The following GPR107 variants were observed in gnomAD, a reference collection of about 807,000 sequenced individuals.
GPR107 encodes protein GPR107.
GPR107 carries 31 observed loss-of-function variants against 75.5 expected under a neutral mutation model. The ratio of observed to expected loss-of-function variants is 0.41; its 90% CI spans 0.31 to 0.55. GPR107 has a LOEUF of 0.55. GPR107 is among the 20% of genes least tolerant of loss of function. The probability of loss-of-function intolerance (pLI) is 0.26; values close to 1 mark genes in which losing one functional copy is unlikely to be tolerated. For missense variants in GPR107, 572 were observed against 665.7 expected, an observed-to-expected ratio of 0.86 and a Z score of 1.55; for synonymous variants, 267 against 251.3, an observed-to-expected ratio of 1.06 and a Z score of -0.59.
intron 1 of GPR107, among the ~76,000 whole-genome samples, chr9:130,069,641 G>A (rs532094622): frequency 1.4e-4 from 22 of 152,160 alleles, no homozygotes; most frequent in Non-Finnish European, 2.9e-4. Context: ...AACAGGTTAG[G>A]TGAAGGTCCT....
At chr9:130,059,148 C>T (rs954818581) in intron 1 of GPR107, among the ~76,000 whole-genome samples, 2 of 152,192 alleles carry the variant, frequency 1.3e-5, no homozygotes, top group Non-Finnish European at 1.5e-5. Flanking sequence ...TATGAGAGTT[C>T]TCTTTCTTCA....
intron 8 of GPR107, among the ~76,000 whole-genome samples, chr9:130,091,485 TA>T (rs559590508): frequency 5.4e-4 from 76 of 141,812 alleles, no homozygotes; most frequent in Non-Finnish European, 4.9e-4. Flanking sequence ...TGTCTCAAAT[TA>T]AAAAAAAAAA....
At chr9:130,105,474 C>T (rs1244453869) in intron 13 of GPR107, among the ~76,000 whole-genome samples, 3 of 152,130 alleles carry the variant, frequency 2.0e-5, no homozygotes, top group Admixed American at 6.5e-5. Context: ...CCAGGCTGGT[C>T]TCAAACTCCT....
At chr9:130,090,039 C>T (rs1199680213) in intron 7 of GPR107, among the ~76,000 whole-genome samples, 1 of 152,170 alleles carries the variant, frequency 6.6e-6, no homozygotes, top group East Asian at 1.9e-4. Flanking sequence ...CGCAGTCCTT[C>T]CCAACTCTAG....
chr9:130,100,804 G>A, intron 11 of GPR107, 102 bp downstream of exon 11: 1 of 839,254 alleles, frequency 1.2e-6, no homozygotes, highest in Admixed American at 1.9e-5. Context: ...CCCTCCTGTG[G>A]CAGCCTGTCT....
chr9:130,103,663 T>A lies in GPR107; in HGVS notation c.1132-757T>A, dbSNP rs534267164. ...ACAGTTCCATTGTCTGGCACTTAGA[T>A]GAGTTATTGTCACTGAGCACCATGG... On this transcript the variant is annotated intron_variant, in intron 12 of 17. Transcript: ENST00000347136. The surrounding 1 kb of genome is among the most constrained non-coding windows in gnomAD (Gnocchi z 4.3). Among the ~76,000 whole-genome samples the A allele has an allele frequency of 6.6e-6, 1 of 152,304 alleles. No homozygotes were observed. The highest frequency in any genetic ancestry group is 2.4e-5 in the African/African-American group (1 of 41,560).
intron 9 of GPR107, among the ~76,000 whole-genome samples, chr9:130,098,938 G>A (rs910484996): frequency 6.6e-6 from 1 of 152,094 alleles, no homozygotes; most frequent in East Asian, 1.9e-4. Context: ...ACTTGATCCC[G>A]GGAGGTGGAG....
chr9:130,130,552 A>T (rs1476103), intron 17 of GPR107, among the ~76,000 whole-genome samples: 149,945 of 152,342 alleles, frequency 0.98, 73,805 homozygotes, highest in East Asian at 1. Flanking sequence ...ACACTTCCAG[A>T]CCAGAAAACA....
At chr9:130,062,315 C>T (rs150845143) in intron 1 of GPR107, among the ~76,000 whole-genome samples, 4,784 of 151,202 alleles carry the variant, frequency 0.032, 160 homozygotes, top group African/African-American at 0.078. Flanking sequence ...CGGGAGGCTG[C>T]GGCAAGAGAA....
Position 130,059,987 on chromosome 9 carries a change from G to A in GPR107, c.141+5914G>A, listed in dbSNP as rs143809325. 4.9e-3 allele frequency among the ~76,000 whole-genome samples: 739 copies of A among 151,548 alleles called. 5 individuals are homozygous for A. Among genetic ancestry groups the A allele is most frequent in the Non-Finnish European group, 8.4e-3 (567 of 67,896 alleles). On this transcript the variant is annotated intron_variant, in intron 1 of 17. Transcript: ENST00000347136. ...ACTCCTGACCTCAGGTGATTTACCCGCCTTGGCCTCCCAAAGTGATAGGAT... is the reference window on the plus strand; with the variant it reads ...ACTCCTGACCTCAGGTGATTTACCCACCTTGGCCTCCCAAAGTGATAGGAT...
At chr9:130,126,342 C>CTTTTT (rs1209736605) in intron 15 of GPR107, among the ~76,000 whole-genome samples, 7 of 121,848 alleles carry the variant, frequency 5.7e-5, no homozygotes, top group African/African-American at 1.2e-4. Context: ...GTTTCCAAGT[C>CTTTTT]TTTTTTTTTT....
chr9:130,117,109 G>T (rs1332192559), intron 14 of GPR107, among the ~76,000 whole-genome samples: 1 of 152,012 alleles, frequency 6.6e-6, no homozygotes, highest in East Asian at 1.9e-4. Flanking sequence ...ACCACGCCTG[G>T]TTAATTTTTG....
At chr9:130,109,004 TTTTTTTTTTTTTG>T in intron 14 of GPR107, among the ~76,000 whole-genome samples, 2 of 145,708 alleles carry the variant, frequency 1.4e-5, no homozygotes, top group Admixed American at 1.4e-4. Context: ...TTTTTTTTTT[TTTTTTTTTTTTTG>T]AGACGGAGTT....
At chr9:130,099,347 G>T in intron 9 of GPR107, 110 bp from the exon 10 acceptor site, 1 of 668,740 alleles carries the variant, frequency 1.5e-6, no homozygotes, top group Non-Finnish European at 2.6e-6. Context: ...TTTGTGGTTT[G>T]CACAGATTAT....
At position 130,085,754 on chromosome 9, in the gene GPR107, A is replaced by AT. The variant is rs71387311; in HGVS notation, c.565-649dup. On this transcript the variant is annotated intron_variant, in intron 6 of 17. Coordinates refer to ENST00000347136, the MANE Select transcript of GPR107 (RefSeq NM_020960.5). ...TTACTGTATAAATGGCAATATTTTGATTTTTTTTTTTTTTTTTGCCGGGGG... is the reference window on the plus strand; with the variant it reads ...TTACTGTATAAATGGCAATATTTTGATTTTTTTTTTTTTTTTTTGCCGGGGG... 1.1e-3 allele frequency among the ~76,000 whole-genome samples: 87 copies of AT among 78,668 alleles called. 9 individuals are homozygous for AT. The highest frequency in any genetic ancestry group is 0.017 in the Middle Eastern group (2 of 120). The allele number at this position is 78,668 out of a possible 152,430, so 51.6% of individuals were successfully genotyped here.
intron 14 of GPR107, among the ~76,000 whole-genome samples, chr9:130,115,762 C>CAAA (rs765306078): frequency 4.4e-5 from 4 of 90,184 alleles, no homozygotes; most frequent in African/African-American, 1.4e-4. Context: ...GACTCCGTCT[C>CAAA]AAAAAAAAAA....
chr9:130,073,240 A>T (rs1470013828), intron 1 of GPR107, among the ~76,000 whole-genome samples: 1 of 152,204 alleles, frequency 6.6e-6, no homozygotes, highest in Non-Finnish European at 1.5e-5. Context: ...GTCCTGCTCC[A>T]CTGAGGATTC....
In GPR107 at chr9:130,076,757, C is replaced by T. The variant is rs578183661; in HGVS notation, c.306+295C>T. Among the ~76,000 whole-genome samples, 7 of 152,276 alleles carry T rather than the reference C, an allele frequency of 4.6e-5. No individual in the cohort carries two copies. The South Asian group carries it at 1.0e-3, about 23-fold the overall frequency. On this transcript the variant is annotated intron_variant, in intron 3 of 17. Coordinates refer to ENST00000347136, the MANE Select transcript of GPR107 (RefSeq NM_020960.5). Reference sequence around the variant, plus strand: ...CAAACTCCTGGACTCAAGGGATCCACCCACTGTGGCCTCCCAGAGTGCTAG... The same window carrying T: ...CAAACTCCTGGACTCAAGGGATCCATCCACTGTGGCCTCCCAGAGTGCTAG...
intron 4 of GPR107, among the ~76,000 whole-genome samples, chr9:130,078,072 G>T (rs1432834519): frequency 5.9e-5 from 9 of 152,072 alleles, no homozygotes; most frequent in Non-Finnish European, 1.3e-4. Flanking sequence ...GGCTGAGACA[G>T]GAGAATGGTG....
Sources: gnomAD v4.1 joint callset for allele counts (sites outside exome capture counted in the v4.1 genomes callset) on GRCh38, gnomAD v4.1.1 for gene constraint, Gnocchi (gnomAD v3.1) non-coding constraint, MANE v1.5 for transcripts, NCBI Gene and HGNC (gene_info 2026-07-23, HGNC 2026-07-21) for gene names.